Variants in MBNL2 observed in about 807,000 individuals in gnomAD.
MBNL2 encodes muscleblind-like protein 2.
In MBNL2, 17 loss-of-function variants were observed where a neutral mutation model predicts 41.9. That is an observed-to-expected ratio of 0.41 (90% CI 0.28 to 0.61). The LOEUF (loss-of-function observed/expected upper bound fraction) is 0.61. Ranked by LOEUF, MBNL2 falls within the 20% of genes least tolerant of loss-of-function variation. The pLI, the probability that MBNL2 is intolerant of heterozygous loss-of-function variation, is 0.35. For missense variants in MBNL2, 336 were observed against 505.6 expected (o/e 0.66, Z 3.22); for synonymous variants, 195 against 182.9 (o/e 1.07, Z -0.53).
chr13:97,190,325 C>T, the MBNL2 span, among the ~76,000 whole-genome samples: 1 of 152,214 alleles, frequency 6.6e-6, no homozygotes, highest in Non-Finnish European at 1.5e-5. Context: ...ACTGATACTC[C>T]CTTCCCGTTG....
chr13:97,268,068 T>TTTTA lies in MBNL2; in HGVS notation c.-604-7561_-604-7560insATTT, dbSNP rs2050174640. Among the ~76,000 whole-genome samples, 2 of 131,384 alleles carry TTTTA rather than the reference T, an allele frequency of 1.5e-5. No individual in the cohort carries two copies. The highest frequency in any genetic ancestry group is 2.4e-4 in the South Asian group (1 of 4,104). The allele number at this position is 131,384 out of a possible 152,430, so 86.2% of individuals were successfully genotyped here. A position where few individuals can be genotyped will look rare whatever the true frequency, so the allele number is the denominator to read the frequency against. On this transcript the variant is annotated intron_variant, in intron 1 of 8. Coordinates refer to ENST00000679496, the MANE Select transcript of MBNL2 (RefSeq NM_001382683.1). The surrounding 1 kb of genome is among the most constrained non-coding windows in gnomAD (Gnocchi z 4.6). ...TGGGGCCTAAGAGTGTGCTTTTCTTTTTTCTTTCCTTCCTTCCTTCCTTCC... is the reference window on the plus strand; with the variant it reads ...TGGGGCCTAAGAGTGTGCTTTTCTTTTTTATTTCTTTCCTTCCTTCCTTCCTTCC...
intron 2 of MBNL2, among the ~76,000 whole-genome samples, chr13:97,284,087 C>T (rs2053957923): frequency 6.6e-6 from 1 of 152,206 alleles, no homozygotes; most frequent in African/African-American, 2.4e-5. Flanking sequence ...ATCTCTGTTT[C>T]AGTTTCCTAG....
chr13:97,329,681 CA>C (rs1332679333), intron 2 of MBNL2, among the ~76,000 whole-genome samples: 21 of 151,372 alleles, frequency 1.4e-4, no homozygotes, highest in Middle Eastern at 3.4e-3. Context: ...ACAACATACA[CA>C]ACACACACAA....
intron 2 of MBNL2, among the ~76,000 whole-genome samples, chr13:97,307,867 T>C (rs537689249): frequency 6.6e-6 from 1 of 152,340 alleles, no homozygotes; most frequent in Non-Finnish European, 1.5e-5. Context: ...TCGTATTTTC[T>C]GCTCCCTCTT....
chr13:97,142,998 T>C, the MBNL2 span, among the ~76,000 whole-genome samples: 2 of 152,210 alleles, frequency 1.3e-5, no homozygotes, highest in Admixed American at 1.3e-4. Flanking sequence ...GACCATGAAC[T>C]CTTCACTTCC....
At chr13:97,218,441 A>AAAAC (rs759042796), upstream of MBNL2, among the ~76,000 whole-genome samples, 6 of 24,182 alleles carry the variant, frequency 2.5e-4, no homozygotes, top group African/African-American at 4.8e-4. Context: ...AAAACAAAAC[A>AAAAC]AAAAAAAAAA....
chr13:97,386,092 T>C (rs936634319), intron 8 of MBNL2, among the ~76,000 whole-genome samples: 2 of 152,208 alleles, frequency 1.3e-5, no homozygotes, highest in Non-Finnish European at 2.9e-5. Flanking sequence ...GAGGGTGCCT[T>C]GTTGGTCACA....
the MBNL2 span, among the ~76,000 whole-genome samples, chr13:97,155,333 C>G: frequency 6.6e-6 from 1 of 151,114 alleles, no homozygotes; most frequent in Non-Finnish European, 1.5e-5. Flanking sequence ...CATACTCACC[C>G]TTGTGTAATT....
At chr13:97,153,408 A>C in the MBNL2 span, among the ~76,000 whole-genome samples, 1 of 152,162 alleles carries the variant, frequency 6.6e-6, no homozygotes. Flanking sequence ...AAAATTAAGA[A>C]GAAACAGTGT....
At chr13:97,330,004 A>G (rs1183588884) in intron 2 of MBNL2, among the ~76,000 whole-genome samples, 1 of 152,122 alleles carries the variant, frequency 6.6e-6, no homozygotes, top group Non-Finnish European at 1.5e-5. Context: ...ATGTATCACA[A>G]CTTGTAACAA....
At chr13:97,294,644 A>G (rs917272749) in intron 2 of MBNL2, among the ~76,000 whole-genome samples, 1 of 152,204 alleles carries the variant, frequency 6.6e-6, no homozygotes, top group African/African-American at 2.4e-5. Flanking sequence ...AAGCTCTCCA[A>G]TGCTGTAGCT....
the MBNL2 span, among the ~76,000 whole-genome samples, chr13:97,185,884 A>G: frequency 6.6e-6 from 1 of 152,214 alleles, no homozygotes; most frequent in African/African-American, 2.4e-5. Flanking sequence ...CATAAAAATC[A>G]CCCATGACTT....
Position 97,392,057 on chromosome 13 carries a change from T to G in MBNL2, c.*608T>G, listed in dbSNP as rs2066401786. 6.6e-6 allele frequency: 1 copy of G among 152,624 alleles called. No homozygotes were observed. The highest frequency in any genetic ancestry group is 1.5e-5 in the Non-Finnish European group (1 of 68,020). The allele number at this position is 152,624 out of a possible 1,614,324, so 9.5% of individuals were successfully genotyped here. A position where few individuals can be genotyped will look rare whatever the true frequency, so the allele number is the denominator to read the frequency against. On this transcript the variant is annotated 3_prime_UTR_variant, in exon 9 of 9. Transcript: ENST00000679496. ...GAAACTTTGCACGGTATGAGCTTCATACCCCACCAAACAAAGTCTTGAAGG... is the reference window on the plus strand; with the variant it reads ...GAAACTTTGCACGGTATGAGCTTCAGACCCCACCAAACAAAGTCTTGAAGG...
chr13:97,206,634 C>T, the MBNL2 span, among the ~76,000 whole-genome samples: 5 of 152,080 alleles, frequency 3.3e-5, no homozygotes, highest in Non-Finnish European at 7.4e-5. Context: ...GGACAGGAGA[C>T]CCCAGGCAAT....
At chr13:97,321,263 G>A (rs1037036446) in intron 2 of MBNL2, among the ~76,000 whole-genome samples, 2 of 152,190 alleles carry the variant, frequency 1.3e-5, no homozygotes, top group Non-Finnish European at 2.9e-5. Context: ...CAATCAGAGT[G>A]CACCACAGCT....
At position 97,332,355 on chromosome 13, in the gene MBNL2, G is replaced by C. The variant is rs543910948; in HGVS notation, c.175-1921G>C. On this transcript the variant is annotated intron_variant, in intron 2 of 8. Coordinates refer to ENST00000679496, the MANE Select transcript of MBNL2 (RefSeq NM_001382683.1). ...CATCACAAATGATAGAATTGTATTT[G>C]GCCACCTGATATAAAGGCAGCCAAT... Among the ~76,000 whole-genome samples the C allele has an allele frequency of 2.0e-5, 3 of 152,238 alleles. No homozygotes were observed. In the South Asian group the frequency reaches 6.2e-4, roughly 32 times the overall value.
the MBNL2 span, among the ~76,000 whole-genome samples, chr13:97,175,865 A>G: frequency 1.3e-5 from 2 of 152,214 alleles, no homozygotes; most frequent in Non-Finnish European, 2.9e-5. Flanking sequence ...GTTTTAATGC[A>G]TAGCCAAAGC....
the MBNL2 span, among the ~76,000 whole-genome samples, chr13:97,162,132 T>C: frequency 1.3e-5 from 2 of 151,924 alleles, no homozygotes; most frequent in African/African-American, 4.8e-5. Context: ...AATAACCAGA[T>C]CTCATGATAA....
chr13:97,167,303 C>T, the MBNL2 span, among the ~76,000 whole-genome samples: 1 of 151,738 alleles, frequency 6.6e-6, no homozygotes, highest in African/African-American at 2.4e-5. Context: ...TCAGAACTGT[C>T]TCTTGATTGT....
Sources: gnomAD v4.1 joint callset for allele counts (sites outside exome capture counted in the v4.1 genomes callset) on GRCh38, gnomAD v4.1.1 for gene constraint, Gnocchi (gnomAD v3.1) non-coding constraint, MANE v1.5 for transcripts, NCBI Gene and HGNC (gene_info 2026-07-23, HGNC 2026-07-21) for gene names.